The following MAGI2 variants were observed in gnomAD, a reference collection of about 807,000 sequenced individuals.
The protein encoded by MAGI2 is membrane-associated guanylate kinase, WW and PDZ domain-containing protein 2.
Under a neutral mutation model 133.3 loss-of-function variants are expected in MAGI2, and 35 were observed. The observed-to-expected ratio is 0.26, with a 90% confidence interval of 0.20 to 0.35. The LOEUF is 0.35. Ranked by LOEUF, MAGI2 falls within the 10% of genes least tolerant of loss-of-function variation. MAGI2 has a pLI of 1.00. For synonymous variants in MAGI2, 729 were observed against 710.6 expected, an observed-to-expected ratio of 1.03 and a Z score of -0.41; for missense variants, 1,636 against 1,863.4, an observed-to-expected ratio of 0.88 and a Z score of 2.25.
At chr7:79,157,972 G>GTGTGTGTC (rs1384745090) in intron 1 of MAGI2, among the ~76,000 whole-genome samples, 1,475 of 145,896 alleles carry the variant, frequency 0.01, 23 homozygotes, top group African/African-American at 0.032. Context: ...GTGTGTGTGT[G>GTGTGTGTC]TGTGTATTTA....
intron 1 of MAGI2, among the ~76,000 whole-genome samples, chr7:79,358,626 C>T (rs958178401): frequency 6.6e-6 from 1 of 152,048 alleles, no homozygotes; most frequent in African/African-American, 2.4e-5. Flanking sequence ...CCTTACCTAC[C>T]CAGACATATC....
intron 1 of MAGI2, among the ~76,000 whole-genome samples, chr7:79,080,223 CG>C (rs754007087): frequency 1.3e-4 from 19 of 151,986 alleles, no homozygotes; most frequent in Non-Finnish European, 2.8e-4. Flanking sequence ...ATAAAAGACT[CG>C]GTATTAATGA....
At chr7:78,079,212 C>G (rs1307969917) in intron 20 of MAGI2, 127 bp from the exon 21 acceptor site, 2 of 855,136 alleles carry the variant, frequency 2.3e-6, no homozygotes, top group African/African-American at 3.4e-5. Context: ...CAGCCTGCTG[C>G]TTTTTGGAAG....
intron 1 of MAGI2, among the ~76,000 whole-genome samples, chr7:79,027,770 A>G (rs1451659484): frequency 6.6e-6 from 1 of 152,164 alleles, no homozygotes; most frequent in Non-Finnish European, 1.5e-5. Flanking sequence ...TCATAGCATC[A>G]TTTTGTAATC....
intron 2 of MAGI2, among the ~76,000 whole-genome samples, chr7:78,949,257 T>A (rs2151698246): frequency 6.6e-6 from 1 of 152,306 alleles, no homozygotes; most frequent in Admixed American, 6.5e-5. Flanking sequence ...ATGCCTGATG[T>A]CTAGAGCATA....
At chr7:78,086,823 C>A (rs180901012) in intron 20 of MAGI2, among the ~76,000 whole-genome samples, 1 of 150,344 alleles carries the variant, frequency 6.7e-6, no homozygotes, top group African/African-American at 2.5e-5. Flanking sequence ...TTGGTAAAGA[C>A]GGGGTTTCGC....
intron 14 of MAGI2, chr7:78,170,279 A>G (rs980316557): frequency 6.6e-6 from 1 of 152,246 alleles, no homozygotes; most frequent in Non-Finnish European, 1.5e-5. Flanking sequence ...GAAATTTCAC[A>G]TCAGAAAATT....
At chr7:79,443,001 G>C (rs972204212) in intron 1 of MAGI2, among the ~76,000 whole-genome samples, 2 of 152,110 alleles carry the variant, frequency 1.3e-5, no homozygotes, top group Admixed American at 6.5e-5. Flanking sequence ...GCTGGGCATG[G>C]TGACTCACGC....
chr7:78,899,038 G>GT (rs1274734530), intron 2 of MAGI2, among the ~76,000 whole-genome samples: 1 of 152,084 alleles, frequency 6.6e-6, no homozygotes, highest in Admixed American at 6.6e-5. Flanking sequence ...TTAATTAGGG[G>GT]TTTTTTCTTC....
chr7:78,689,035 T>C (rs1278388674), intron 2 of MAGI2, among the ~76,000 whole-genome samples: 3 of 152,188 alleles, frequency 2.0e-5, no homozygotes, highest in Non-Finnish European at 2.9e-5. Context: ...ACACTGTCAA[T>C]TGGAGTTTTC....
chr7:79,438,450 C>T (rs1279664577), intron 1 of MAGI2, among the ~76,000 whole-genome samples: 1 of 152,082 alleles, frequency 6.6e-6, no homozygotes, highest in East Asian at 1.9e-4. Context: ...TACTTATGCA[C>T]TAAGAACCAC....
intron 1 of MAGI2, among the ~76,000 whole-genome samples, chr7:79,331,295 A>C (rs947988367): frequency 2.0e-5 from 3 of 152,160 alleles, no homozygotes; most frequent in African/African-American, 7.2e-5. Flanking sequence ...CAGTTGTAAA[A>C]ATAATTATAT....
At chr7:78,833,442 A>C (rs1233314888) in intron 2 of MAGI2, among the ~76,000 whole-genome samples, 2 of 152,124 alleles carry the variant, frequency 1.3e-5, no homozygotes, top group Non-Finnish European at 2.9e-5. Context: ...AGCTTTCACT[A>C]TCTTGTGTGT....
intron 2 of MAGI2, among the ~76,000 whole-genome samples, chr7:78,769,809 C>G (rs1825398872): frequency 6.6e-6 from 1 of 152,210 alleles, no homozygotes; most frequent in Admixed American, 6.5e-5. Flanking sequence ...ATTCCCTCAG[C>G]TCCGAGCATC....
At chr7:78,516,626 T>C (rs576659077) in intron 4 of MAGI2, among the ~76,000 whole-genome samples, 1 of 152,316 alleles carries the variant, frequency 6.6e-6, no homozygotes, top group Admixed American at 6.5e-5. Flanking sequence ...GTGCTGGGAT[T>C]ACAAGTGTGA....
At chr7:79,136,285 T>C (rs1821567111) in intron 1 of MAGI2, among the ~76,000 whole-genome samples, 1 of 152,214 alleles carries the variant, frequency 6.6e-6, no homozygotes. Context: ...GATGTCTACT[T>C]ACCTAGGGCC....
intron 2 of MAGI2, among the ~76,000 whole-genome samples, chr7:78,955,090 G>C (rs765332172): frequency 3.3e-5 from 5 of 151,900 alleles, no homozygotes; most frequent in Non-Finnish European, 7.4e-5. Flanking sequence ...AATACACTAA[G>C]CCCCTTATTG....
intron 1 of MAGI2, chr7:79,413,137 C>A (rs988083015): frequency 2.0e-5 from 3 of 152,132 alleles, no homozygotes; most frequent in African/African-American, 7.2e-5. Context: ...ATCTTTCATG[C>A]TCATGCAAAG....
intron 9 of MAGI2, among the ~76,000 whole-genome samples, chr7:78,315,996 T>A (rs995872302): frequency 6.6e-6 from 1 of 152,328 alleles, no homozygotes; most frequent in South Asian, 2.1e-4. Flanking sequence ...TGCCATTTTC[T>A]CAATCCATCG....
Sources: gnomAD v4.1 joint callset for allele counts (sites outside exome capture counted in the v4.1 genomes callset) on GRCh38, gnomAD v4.1.1 for gene constraint, MANE v1.5 for transcripts, NCBI Gene and HGNC (gene_info 2026-07-23, HGNC 2026-07-21) for gene names.